Variants in DNAJC17 observed in about 807,000 individuals in gnomAD.
DNAJC17 encodes the protein dnaJ homolog subfamily C member 17.
DNAJC17 carries 35 observed loss-of-function variants against 48.1 expected under a neutral mutation model. That is an observed-to-expected ratio of 0.73 (90% CI 0.56 to 0.96). The LOEUF (loss-of-function observed/expected upper bound fraction) is 0.96. Ranked by LOEUF, DNAJC17 falls within the 50% of genes least tolerant of loss-of-function variation. The pLI is 0.00. For missense variants in DNAJC17, 355 were observed against 377.1 expected, an observed-to-expected ratio of 0.94 and a Z score of 0.48; for synonymous variants, 117 against 142.7, an observed-to-expected ratio of 0.82 and a Z score of 1.28.
rs1267192122 is a variant in DNAJC17, at chr15:40,769,912, G to A, written c.793-1850C>T. 1 of 153,602 alleles carries A rather than the reference G, an allele frequency of 6.5e-6. No individual in the cohort carries two copies. Among genetic ancestry groups the A allele is most frequent in the African/African-American group, 2.4e-5 (1 of 41,430 alleles). 9.5% of individuals were successfully genotyped at this position (153,602 alleles called of 1,614,324 possible). A position where few individuals can be genotyped will look rare whatever the true frequency, so the allele number is the denominator to read the frequency against. On this transcript the variant is annotated intron_variant, in intron 10 of 10. Coordinates refer to ENST00000220496, the MANE Select transcript of DNAJC17 (RefSeq NM_018163.3). This position sits in a 1 kb window ranked among gnomAD's most constrained non-coding sequence, Gnocchi z 4.2. The stretch of plus-strand genomic sequence containing the variant: ...ACGCGGATGCTGCAATTACCCAAGA[G>A]CACGAAACCTGGCTTCCCACCTGAC...
In DNAJC17 at chr15:40,769,263, A is replaced by G. The variant is rs2141943540; in HGVS notation, c.793-1201T>C. Among the ~76,000 whole-genome samples, 1 of 152,306 alleles carries G rather than the reference A, an allele frequency of 6.6e-6. No individual in the cohort carries two copies. Among genetic ancestry groups the G allele is most frequent in the African/African-American group, 2.4e-5 (1 of 41,568 alleles). On this transcript the variant is annotated intron_variant, in intron 10 of 10. Transcript: ENST00000220496. The surrounding 1 kb of genome is among the most constrained non-coding windows in gnomAD (Gnocchi z 4.2). The stretch of plus-strand genomic sequence containing the variant: ...TGGCCCAGCCTCCTGCAAGAGAAGG[A>G]GGACCCCAGAGGAAGCCCGGTAGCC...
At chr15:40,800,099 G>A (rs1890040117) in intron 1 of DNAJC17, among the ~76,000 whole-genome samples, 2 of 152,082 alleles carry the variant, frequency 1.3e-5, no homozygotes, top group African/African-American at 2.4e-5. Flanking sequence ...TTGAGATGGA[G>A]TCTTGCTCCA....
chr15:40,779,645 A>T lies in DNAJC17; in HGVS notation c.149-42T>A, dbSNP rs776925147. 50 of 1,607,310 alleles carry T rather than the reference A, an allele frequency of 3.1e-5. No homozygotes were observed. The South Asian group carries it at 5.1e-4, about 16-fold the overall frequency. On this transcript the variant is annotated intron_variant, in intron 2 of 10. Coordinates refer to ENST00000220496, the MANE Select transcript of DNAJC17 (RefSeq NM_018163.3). ...AAAAGACAGAAGAAAAATAAAGTTAAGACTTCGTAATGGTGTGCTCCCTCA... is the reference window on the plus strand; with the variant it reads ...AAAAGACAGAAGAAAAATAAAGTTATGACTTCGTAATGGTGTGCTCCCTCA...
chr15:40,800,002 T>G (rs56886112), intron 1 of DNAJC17, among the ~76,000 whole-genome samples: 52,852 of 151,536 alleles, frequency 0.35, 9,373 homozygotes, highest in South Asian at 0.41. Flanking sequence ...GGGTTTTTTT[T>G]TTGTTGTTGT....
rs550364622 is a variant in DNAJC17, at chr15:40,768,027, G to A, written c.828C>T (p.Leu276=). The change falls in exon 11 of 11, where the codon CTC becomes CTT. Residue 276 remains leucine, a synonymous_variant. Transcript: ENST00000220496. The stretch of plus-strand genomic sequence containing the variant: ...CCGCCTGGCGCATGCGCATCATGAC[G>A]AGGCTCTCGTAGTCCCTCTCTGACA... ...SVLSERDYES[L]VMMRMRQAAE... 1.3e-6 allele frequency: 2 copies of A among 1,596,894 alleles called. No individual in the cohort carries two copies. The highest frequency in any genetic ancestry group is 1.1e-5 in the South Asian group (1 of 88,722).
intron 1 of DNAJC17, 135 bp from the exon 2 acceptor site, chr15:40,780,132 G>A (rs1889442683): frequency 2.3e-6 from 2 of 854,710 alleles, no homozygotes; most frequent in Admixed American, 2.0e-5. Context: ...CTAGCCACCA[G>A]GGAGACTGGC....
intron 1 of DNAJC17, among the ~76,000 whole-genome samples, chr15:40,795,008 C>T (rs921182441): frequency 1.3e-5 from 2 of 152,114 alleles, no homozygotes; most frequent in Middle Eastern, 3.4e-3. Flanking sequence ...CATGAGCCAC[C>T]GTAAGTTTAT....
intron 1 of DNAJC17, chr15:40,780,532 TG>T: frequency 1.4e-5 from 5 of 363,382 alleles, no homozygotes; most frequent in Non-Finnish European, 2.7e-5. Flanking sequence ...AGATTATGAT[TG>T]GCCGGTGCGG....
intron 2 of DNAJC17, 153 bp downstream of exon 2, chr15:40,779,775 A>G: frequency 9.2e-7 from 1 of 1,085,996 alleles, no homozygotes. Flanking sequence ...CTGACCAGAC[A>G]CCCCTCACAG....
chr15:40,770,710 C>T lies in DNAJC17; in HGVS notation c.793-2648G>A, dbSNP rs1277281611. ...CTGCCACTGTGGGGGGACGAGCAGC[C>T]CCGGGCCACCCTGCTGGCCCCACCC... On this transcript the variant is annotated intron_variant, in intron 10 of 10. Transcript: ENST00000220496. This position sits in a 1 kb window ranked among gnomAD's most constrained non-coding sequence, Gnocchi z 5.0. The T allele has an allele frequency of 6.5e-7, 1 of 1,546,866 alleles. No homozygotes were observed. The highest frequency in any genetic ancestry group is 1.7e-4 in the Middle Eastern group (1 of 5,980).
intron 1 of DNAJC17, among the ~76,000 whole-genome samples, chr15:40,782,880 G>C (rs1889541303): frequency 6.6e-6 from 1 of 152,134 alleles, no homozygotes; most frequent in Non-Finnish European, 1.5e-5. Flanking sequence ...CTGCCTTGGA[G>C]GCAGCAGGAA....
intron 1 of DNAJC17, among the ~76,000 whole-genome samples, chr15:40,794,974 C>T (rs1889910704): frequency 6.6e-6 from 1 of 152,042 alleles, no homozygotes; most frequent in Non-Finnish European, 1.5e-5. Context: ...CCGCCTCGGC[C>T]TCCCAAAGTG....
chr15:40,788,434 C>T (rs1889700137), intron 1 of DNAJC17, among the ~76,000 whole-genome samples: 3 of 152,150 alleles, frequency 2.0e-5, no homozygotes, highest in African/African-American at 4.8e-5. Flanking sequence ...CGGTGGCTCA[C>T]GCCTGTAATC....
rs75541978 is a variant in DNAJC17, at chr15:40,776,798, A to G, written c.296-171T>C. On this transcript the variant is annotated intron_variant, in intron 4 of 10. Transcript: ENST00000220496. ...CCCGAGTCAATTTCCATTGAGAAAA[A>G]TCACAGCACAGAAGTATGGGGTCTA... 2.0e-3 allele frequency: 1,273 copies of G among 634,244 alleles called. 13 individuals carry two copies. The African/African-American group carries it at 0.021, about 11-fold the overall frequency. The allele number at this position is 634,244 out of a possible 1,614,324, so 39.3% of individuals were successfully genotyped here. A position where few individuals can be genotyped will look rare whatever the true frequency, so the allele number is the denominator to read the frequency against.
intron 1 of DNAJC17, among the ~76,000 whole-genome samples, chr15:40,795,446 T>C (rs1889921622): frequency 6.6e-6 from 1 of 152,164 alleles, no homozygotes; most frequent in Non-Finnish European, 1.5e-5. Flanking sequence ...TTCACATCTG[T>C]TTCCTTAGCA....
Position 40,770,483 on chromosome 15 carries a change from T to G in DNAJC17, c.793-2421A>C. The stretch of plus-strand genomic sequence containing the variant: ...TGCTCCTGAACACCTGTCTGCTGGC[T>G]CCCCTGGGCCCCATGGAGACCTGGC... On this transcript the variant is annotated intron_variant, in intron 10 of 10. Transcript: ENST00000220496. This position sits in a 1 kb window ranked among gnomAD's most constrained non-coding sequence, Gnocchi z 5.0. 2 of 1,541,142 alleles carry G rather than the reference T, an allele frequency of 1.3e-6. No individual in the cohort carries two copies. The highest frequency in any genetic ancestry group is 4.0e-5 in the Admixed American group (2 of 49,696).
chr15:40,792,658 T>G, intron 1 of DNAJC17: 1 of 311,082 alleles, frequency 3.2e-6, no homozygotes, highest in Non-Finnish European at 4.7e-6. Flanking sequence ...CCACAAAATA[T>G]TTTTCTAAAA....
At position 40,771,008 on chromosome 15, in the gene DNAJC17, C is replaced by A. The variant is rs372401206; in HGVS notation, c.792+2719G>T. The stretch of plus-strand genomic sequence containing the variant: ...AGATGCTAAGGGAGCAGTTTCCTAG[C>A]GAGCCCAGCTTCTAAATGGGGTGAG... On this transcript the variant is annotated intron_variant, in intron 10 of 10. Coordinates refer to ENST00000220496, the MANE Select transcript of DNAJC17 (RefSeq NM_018163.3). The A allele has an allele frequency of 2.6e-6, 4 of 1,550,526 alleles. No individual in the cohort carries two copies. In the African/African-American group the frequency reaches 5.5e-5, roughly 21 times the overall value.
At chr15:40,790,378 A>T (rs1889767128) in intron 1 of DNAJC17, among the ~76,000 whole-genome samples, 1 of 152,204 alleles carries the variant, frequency 6.6e-6, no homozygotes, top group African/African-American at 2.4e-5. Flanking sequence ...GTTTGAGATC[A>T]GCCTGGCCAA....
Sources: gnomAD v4.1 joint callset for allele counts (sites outside exome capture counted in the v4.1 genomes callset) on GRCh38, gnomAD v4.1.1 for gene constraint, Gnocchi (gnomAD v3.1) non-coding constraint, MANE v1.5 for transcripts, NCBI Gene and HGNC (gene_info 2026-07-23, HGNC 2026-07-21) for gene names.